Variants in MMP26 observed in about 807,000 individuals in gnomAD.
The protein encoded by MMP26 is matrix metalloproteinase-26.
Under a neutral mutation model 31.0 loss-of-function variants are expected in MMP26, and 33 were observed. That is an observed-to-expected ratio of 1.06 (90% CI 0.81 to 1.42). The LOEUF (loss-of-function observed/expected upper bound fraction) is 1.42. Among genes scored for constraint, MMP26 ranks in the 40% most tolerant of loss-of-function variants. The pLI is 0.00. For missense variants in MMP26, 347 were observed against 316.1 expected, an observed-to-expected ratio of 1.10 and a Z score of -0.74; for synonymous variants, 122 against 114.9, an observed-to-expected ratio of 1.06 and a Z score of -0.40.
At position 4,990,681 on chromosome 11, in the gene MMP26, C is replaced by A; in HGVS notation, c.404C>A (p.Thr135Asn). 6.2e-7 allele frequency: 1 copy of A among 1,614,106 alleles called. No homozygotes were observed. The highest frequency in any genetic ancestry group is 1.1e-5 in the South Asian group (1 of 91,078). ...YNAVSIWSNV[T>N]PLIFQQVQNG... is the part of the protein sequence containing the mutation. Reference sequence around the variant, plus strand: ...GCAGTTTCCATCTGGAGCAATGTGACCCCTTTGATATTCCAGCAAGTGCAG... The same window carrying A: ...GCAGTTTCCATCTGGAGCAATGTGAACCCTTTGATATTCCAGCAAGTGCAG... The change falls in exon 5 of 8, where the codon ACC becomes AAC. Residue 135 changes from threonine (T) to asparagine (N), a missense_variant. Coordinates refer to ENST00000380390, the MANE Select transcript of MMP26 (RefSeq NM_021801.5).
intron 2 of MMP26, chr11:4,915,369 G>A (rs1198445659): frequency 6.2e-7 from 1 of 1,614,058 alleles, no homozygotes; most frequent in Non-Finnish European, 8.5e-7. Context: ...CAGGCATCAT[G>A]GCTAATTTCT....
intron 1 of MMP26, among the ~76,000 whole-genome samples, chr11:4,763,974 G>A (rs1848598275): frequency 6.6e-6 from 1 of 152,082 alleles, no homozygotes; most frequent in Admixed American, 6.5e-5. Flanking sequence ...CAATAAACAG[G>A]AGAATTTTAT....
chr11:4,933,774 C>A (rs1851389298), intron 2 of MMP26, among the ~76,000 whole-genome samples: 1 of 144,518 alleles, frequency 6.9e-6, no homozygotes, highest in African/African-American at 2.6e-5. Context: ...CTTCCTGTGT[C>A]CATGTGATCT....
At chr11:4,878,453 G>A (rs1239714178) in intron 2 of MMP26, among the ~76,000 whole-genome samples, 1 of 152,058 alleles carries the variant, frequency 6.6e-6, no homozygotes, top group Non-Finnish European at 1.5e-5. Flanking sequence ...CATGTGCAGA[G>A]TTTGAGAAAA....
chr11:4,806,888 G>T (rs1849277918), intron 2 of MMP26, among the ~76,000 whole-genome samples: 2 of 152,006 alleles, frequency 1.3e-5, no homozygotes, highest in African/African-American at 4.8e-5. Context: ...TGTATATTCT[G>T]TTTGAGCCGA....
chr11:4,942,110 AG>A (rs1404041407), intron 2 of MMP26, among the ~76,000 whole-genome samples: 2 of 138,500 alleles, frequency 1.4e-5, no homozygotes, highest in Non-Finnish European at 3.2e-5. Flanking sequence ...AAAAAAAAAA[AG>A]GAAGTAAAAC....
At chr11:4,730,408 G>C (rs923200697) in intron 1 of MMP26, among the ~76,000 whole-genome samples, 2 of 151,242 alleles carry the variant, frequency 1.3e-5, no homozygotes, top group Non-Finnish European at 3.0e-5. Flanking sequence ...CTGGGAAAGA[G>C]AGAGAGAGAG....
At chr11:4,872,789 A>G (rs948681141) in intron 2 of MMP26, among the ~76,000 whole-genome samples, 2 of 151,992 alleles carry the variant, frequency 1.3e-5, no homozygotes, top group African/African-American at 4.8e-5. Flanking sequence ...ACCCCCACAT[A>G]TACTTCTGAA....
intron 2 of MMP26, among the ~76,000 whole-genome samples, chr11:4,897,355 G>C (rs1392198350): frequency 1.3e-5 from 2 of 152,098 alleles, no homozygotes; most frequent in African/African-American, 4.8e-5. Context: ...GGCCAGGATG[G>C]TCTCCATCTC....
In MMP26 at chr11:4,923,580, A is replaced by G. The variant is rs1040076688; in HGVS notation, c.-144-64488A>G. The G allele has an allele frequency of 1.9e-6, 3 of 1,614,040 alleles. No individual in the cohort carries two copies. The highest frequency in any genetic ancestry group is 2.2e-5 in the East Asian group (1 of 44,876). On this transcript the variant is annotated intron_variant, in intron 2 of 7. Transcript: ENST00000380390. ...AGAGACAAGCCAATCATGGGGATGT[A>G]GAAGAGCAGTACAGCACAGATATGA...
At chr11:4,856,004 T>G (rs548251936) in intron 2 of MMP26, among the ~76,000 whole-genome samples, 60 of 152,214 alleles carry the variant, frequency 3.9e-4, no homozygotes, top group Middle Eastern at 3.4e-3. Context: ...ATAAAATCCT[T>G]TACAGACAAG....
intron 2 of MMP26, among the ~76,000 whole-genome samples, chr11:4,932,165 T>G (rs1339106909): frequency 1.3e-5 from 2 of 151,894 alleles, no homozygotes; most frequent in East Asian, 3.9e-4. Flanking sequence ...GACACACAGG[T>G]GGAGGTCTAC....
chr11:4,940,070 A>C (rs553519102), intron 2 of MMP26, among the ~76,000 whole-genome samples: 78 of 151,618 alleles, frequency 5.1e-4, no homozygotes, highest in African/African-American at 1.7e-3. Context: ...AAATGTAATT[A>C]TTATATTATA....
intron 2 of MMP26, among the ~76,000 whole-genome samples, chr11:4,807,203 G>A (rs1211448098): frequency 3.3e-5 from 5 of 151,980 alleles, no homozygotes; most frequent in East Asian, 1.9e-4. Flanking sequence ...TAATGGGATC[G>A]CTGGGTCAAA....
Position 4,848,801 on chromosome 11 carries a change from T to C in MMP26, c.-145+81460T>C, listed in dbSNP as rs748007815. On this transcript the variant is annotated intron_variant, in intron 2 of 7. Transcript: ENST00000380390. ...TGAGGAGCGCTGGGTAGTGGAGAGG[T>C]CGGCAGATGGCCAGTGCCCGATCAA... The C allele has an allele frequency of 8.1e-6, 13 of 1,613,638 alleles. No homozygotes were observed. In the South Asian group the frequency reaches 1.3e-4, roughly 16 times the overall value.
intron 1 of MMP26, chr11:4,711,381 A>G (rs886540877): frequency 6.6e-6 from 1 of 152,232 alleles, no homozygotes; most frequent in African/African-American, 2.4e-5. Flanking sequence ...ACATTACAAC[A>G]GCTTATATTT....
intron 2 of MMP26, chr11:4,860,056 A>C (rs889530717): frequency 2.1e-6 from 1 of 471,128 alleles, no homozygotes; most frequent in South Asian, 1.5e-5. Flanking sequence ...GGAATGGCAG[A>C]AGGGTAGGCA....
rs139820189 is a variant in MMP26 at position 4,768,539 on chromosome 11, C to T, written c.-145+1198C>T. Among the ~76,000 whole-genome samples, 1,365 of 152,298 alleles carry T rather than the reference C, an allele frequency of 9.0e-3. 26 individuals carry two copies. The highest frequency in any genetic ancestry group is 0.031 in the African/African-American group (1,289 of 41,568). ...AGCATAGCATTTGAGATACAGAACA[C>T]CTGGGTTCAAATCTCAACTGTGCCT... On this transcript the variant is annotated intron_variant, in intron 2 of 7. Coordinates refer to ENST00000380390, the MANE Select transcript of MMP26 (RefSeq NM_021801.5).
intron 2 of MMP26, among the ~76,000 whole-genome samples, chr11:4,873,699 A>G (rs1418664517): frequency 6.6e-6 from 1 of 152,084 alleles, no homozygotes; most frequent in Non-Finnish European, 1.5e-5. Flanking sequence ...GGCATTTATT[A>G]TATCTGAACT....
Sources: allele counts gnomAD v4.1 joint callset (sites outside exome capture counted in the v4.1 genomes callset), GRCh38; gene constraint gnomAD v4.1.1; transcripts MANE v1.5; gene names NCBI Gene and HGNC (gene_info 2026-07-23, HGNC 2026-07-21).